BAD: variants seen among roughly 807,000 people sequenced by gnomAD.
The protein encoded by BAD is BCL2 associated agonist of cell death, also known as bcl2-associated agonist of cell death.
BAD carries 18 observed loss-of-function variants against 17.8 expected under a neutral mutation model. The ratio of observed to expected loss-of-function variants is 1.01; its 90% CI spans 0.70 to 1.50. BAD has a LOEUF of 1.50. Ranked by LOEUF, BAD falls within the 40% of genes most tolerant of loss-of-function variation. The pLI, the probability that BAD is intolerant of heterozygous loss-of-function variation, is 0.00. For missense variants in BAD, 294 were observed against 239.3 expected, an observed-to-expected ratio of 1.23 and a Z score of -1.51; for synonymous variants, 112 against 91.5, an observed-to-expected ratio of 1.22 and a Z score of -1.28.
intron 2 of BAD, 27 bp from the exon 3 acceptor site, chr11:64,271,830 C>G: frequency 7.4e-7 from 1 of 1,359,704 alleles, no homozygotes; most frequent in Non-Finnish European, 9.5e-7. Context: ...GGTAGGGGGG[C>G]GACGTTAATC....
intron 2 of BAD, 144 bp from the exon 3 acceptor site, chr11:64,271,947 G>C (rs1161054662): frequency 3.6e-6 from 2 of 555,860 alleles, no homozygotes; most frequent in Non-Finnish European, 5.5e-6. Context: ...CAGAGCCCCA[G>C]TCCCTTGTAT....
At chr11:64,271,549 G>C in intron 3 of BAD, 64 bp downstream of exon 3, 1 of 1,361,356 alleles carries the variant, frequency 7.3e-7, no homozygotes, top group Non-Finnish European at 9.5e-7. Flanking sequence ...GGACAAGGCA[G>C]GGACAGACCG....
intron 2 of BAD, 95 bp downstream of exon 2, chr11:64,284,087 C>G: frequency 7.0e-7 from 1 of 1,437,228 alleles, no homozygotes; most frequent in Non-Finnish European, 9.3e-7. Flanking sequence ...GGGACCGACC[C>G]AAAGCATTCA....
chr11:64,270,990 A>T, intron 3 of BAD, among the ~76,000 whole-genome samples: 1 of 81,238 alleles, frequency 1.2e-5, no homozygotes. Context: ...ACACACACAC[A>T]CACACACACA....
chr11:64,279,560 T>A (rs190389588), intron 2 of BAD, among the ~76,000 whole-genome samples: 124 of 150,272 alleles, frequency 8.3e-4, no homozygotes, highest in African/African-American at 2.6e-3. Flanking sequence ...AGGTCAGGAA[T>A]TCGAGACCAG....
chr11:64,273,664 G>A (rs917909856), intron 2 of BAD, among the ~76,000 whole-genome samples: 1 of 151,716 alleles, frequency 6.6e-6, no homozygotes, highest in East Asian at 1.9e-4. Flanking sequence ...GGGAGATCAC[G>A]AGGTCAGGAG....
chr11:64,281,707 C>T (rs1466210392), intron 2 of BAD, among the ~76,000 whole-genome samples: 1 of 152,334 alleles, frequency 6.6e-6, no homozygotes, highest in South Asian at 2.1e-4. Flanking sequence ...TCCCCCCGCC[C>T]CTGTGACTCC....
At chr11:64,275,524 C>T (rs1191957051) in intron 2 of BAD, among the ~76,000 whole-genome samples, 2 of 152,128 alleles carry the variant, frequency 1.3e-5, no homozygotes, top group African/African-American at 2.4e-5. Flanking sequence ...AGCCCCCTAC[C>T]GGCCCCTCAT....
Position 64,271,757 on chromosome 11 carries a change from C to A in BAD, c.234G>T (p.Ala78=). The A allele has an allele frequency of 6.9e-7, 1 of 1,445,624 alleles. No homozygotes were observed. The highest frequency in any genetic ancestry group is 1.5e-5 in the African/African-American group (1 of 68,318). The allele number at this position is 1,445,624 out of a possible 1,614,324, so 89.5% of individuals were successfully genotyped here. A position where few individuals can be genotyped will look rare whatever the true frequency, so the allele number is the denominator to read the frequency against. ...CCATCCCTTCGTCGTCCTCCGTCCC[C>A]GCGGGGTAGGAGCTGTGGCGACTCC... The part of the protein sequence containing the change: ...EIRSRHSSYP[A]GTEDDEGMGE... The change falls in exon 3 of 4, where the codon GCG becomes GCT. Residue 78 remains alanine (A), a synonymous_variant. Transcript: ENST00000309032.
At chr11:64,271,491 G>A (rs957401223) in intron 3 of BAD, 122 bp downstream of exon 3, 35 of 1,049,788 alleles carry the variant, frequency 3.3e-5, no homozygotes, top group Admixed American at 3.8e-5. Flanking sequence ...GAAGGAACAG[G>A]ACGGCTTTGG....
intron 2 of BAD, among the ~76,000 whole-genome samples, chr11:64,280,528 T>A (rs1397301880): frequency 1.3e-5 from 2 of 148,508 alleles, no homozygotes; most frequent in African/African-American, 4.9e-5. Context: ...ATTTTTTGTA[T>A]TTTTAGTAGA....
chr11:64,269,996 G>T lies in BAD; in HGVS notation c.*213C>A. On this transcript the variant is annotated 3_prime_UTR_variant, in exon 4 of 4. Coordinates refer to ENST00000309032, the MANE Select transcript of BAD (RefSeq NM_032989.3). Reference sequence around the variant, plus strand: ...AGGGCGGGGCCACGGAGCCACTTCCGGCGGCTGTGGGCGGAAAACCCAAAA... The same window carrying T: ...AGGGCGGGGCCACGGAGCCACTTCCTGCGGCTGTGGGCGGAAAACCCAAAA... The T allele has an allele frequency of 1.1e-6, 1 of 907,082 alleles. No individual in the cohort carries two copies. The highest frequency in any genetic ancestry group is 1.5e-5 in the South Asian group (1 of 68,672). 56.2% of individuals were successfully genotyped at this position (907,082 alleles called of 1,614,324 possible).
intron 2 of BAD, among the ~76,000 whole-genome samples, chr11:64,277,341 C>T (rs1481098215): frequency 6.6e-6 from 1 of 152,238 alleles, no homozygotes; most frequent in Admixed American, 6.5e-5. Flanking sequence ...CTATAGCCTT[C>T]CGGTACAGAA....
At chr11:64,270,442 A>C (rs1021789781) in intron 3 of BAD, 105 bp from the exon 4 acceptor site, 37 of 1,413,874 alleles carry the variant, frequency 2.6e-5, no homozygotes, top group Non-Finnish European at 3.3e-5. Context: ...GGGGGGAGAT[A>C]ATGAAGGCCA....
intron 2 of BAD, chr11:64,272,938 CT>C: frequency 6.6e-6 from 1 of 152,404 alleles, no homozygotes; most frequent in East Asian, 1.9e-4. Flanking sequence ...TGTGAAAGTG[CT>C]TTGTGGCTGG....
chr11:64,271,296 TCACACACACACACACA>T (rs1176064923), intron 3 of BAD, among the ~76,000 whole-genome samples: 3 of 2,262 alleles, frequency 1.3e-3, no homozygotes, highest in African/African-American at 4.9e-3. Flanking sequence ...CCTGTGACTC[TCACACACACACACACA>T]CACACACACA....
intron 2 of BAD, among the ~76,000 whole-genome samples, chr11:64,273,645 C>T (rs1167503578): frequency 3.4e-4 from 51 of 152,112 alleles, no homozygotes; most frequent in Non-Finnish European, 1.3e-4. Context: ...CTTTGGGAGG[C>T]CGAGGTTGGG....
intron 2 of BAD, among the ~76,000 whole-genome samples, chr11:64,283,868 C>CAA (rs2033652029): frequency 6.6e-6 from 1 of 152,170 alleles, no homozygotes; most frequent in African/African-American, 2.4e-5. Flanking sequence ...CTTCTGGGCT[C>CAA]AAGCGATCCT....
At chr11:64,282,220 C>T (rs918548973) in intron 2 of BAD, among the ~76,000 whole-genome samples, 5 of 152,044 alleles carry the variant, frequency 3.3e-5, no homozygotes, top group Admixed American at 6.6e-5. Context: ...CTGTGTGGCG[C>T]GAGTGAATGC....
Sources: gnomAD v4.1 joint callset for allele counts (sites outside exome capture counted in the v4.1 genomes callset) on GRCh38, gnomAD v4.1.1 for gene constraint, MANE v1.5 for transcripts, NCBI Gene and HGNC (gene_info 2026-07-23, HGNC 2026-07-21) for gene names.